Variants in BLTP1 observed in about 807,000 individuals in gnomAD.
BLTP1 encodes the protein bridge-like lipid transfer protein family member 1, also known as fragile site-associated protein.
chr4:122,193,327 C>G, the BLTP1 span, among the ~76,000 whole-genome samples: 1 of 151,910 alleles, frequency 6.6e-6, no homozygotes, highest in Non-Finnish European at 1.5e-5. Context: ...GAGAAGAAGG[C>G]TGTTTGGTTG....
At chr4:122,261,659 A>G in the BLTP1 span, 1 of 985,070 alleles carries the variant, frequency 1.0e-6, no homozygotes, top group Non-Finnish European at 1.2e-6. Context: ...TAAGAATTTG[A>G]AGGTAGAAGT....
chr4:122,308,279 G>C, the BLTP1 span: 3 of 1,094,432 alleles, frequency 2.7e-6, no homozygotes, highest in Non-Finnish European at 3.9e-6. Context: ...CTGTTTAGTA[G>C]GTAGCAAGTA....
chr4:122,333,443 C>T, the BLTP1 span: 1 of 170,814 alleles, frequency 5.9e-6, no homozygotes, highest in Non-Finnish European at 1.1e-5. Flanking sequence ...TGAGAAGTGT[C>T]TGTTCATGTC....
the BLTP1 span, among the ~76,000 whole-genome samples, chr4:122,206,664 G>A: frequency 2.6e-5 from 4 of 151,808 alleles, no homozygotes; most frequent in East Asian, 5.8e-4. Flanking sequence ...TCTCATTAAT[G>A]AGCTATTATG....
At chr4:122,315,377 TA>T in the BLTP1 span, 2 of 1,543,530 alleles carry the variant, frequency 1.3e-6, no homozygotes, top group Non-Finnish European at 1.8e-6. Context: ...CATTAGTTAT[TA>T]TATGTGGCCA....
chr4:122,174,111 G>A, the BLTP1 span: 1 of 699,876 alleles, frequency 1.4e-6, no homozygotes, highest in African/African-American at 1.9e-5. Context: ...AAGGGATGGG[G>A]AGAGATGACT....
At chr4:122,331,237 A>G in the BLTP1 span, 1 of 1,459,238 alleles carries the variant, frequency 6.9e-7, no homozygotes, top group Non-Finnish European at 9.0e-7. Context: ...TTATTTACAG[A>G]CTGTTGCTCA....
At chr4:122,192,239 G>A in the BLTP1 span, 1,629 of 1,612,030 alleles carry the variant, frequency 1.0e-3, 20 homozygotes, top group African/African-American at 0.018. Flanking sequence ...GACTTGTTCC[G>A]GAAGAAACAG....
the BLTP1 span, chr4:122,271,829 T>C: frequency 2.5e-6 from 2 of 798,594 alleles, no homozygotes; most frequent in Non-Finnish European, 3.8e-6. Flanking sequence ...AAGTGGATAA[T>C]TGAAATGGAG....
the BLTP1 span, among the ~76,000 whole-genome samples, chr4:122,288,317 C>T: frequency 6.6e-6 from 1 of 152,086 alleles, no homozygotes; most frequent in Non-Finnish European, 1.5e-5. Context: ...GGTTTTTATT[C>T]ATAGCTGCAT....
the BLTP1 span, chr4:122,207,529 T>TTTTTTTTTTTG: frequency 1.3e-6 from 2 of 1,551,864 alleles, no homozygotes; most frequent in South Asian, 1.2e-5. Context: ...TTTTTTTTTT[T>TTTTTTTTTTTG]TTCTTTTGTA....
the BLTP1 span, chr4:122,307,555 A>G: frequency 7.8e-5 from 77 of 985,036 alleles, no homozygotes; most frequent in Middle Eastern, 1.6e-3. Flanking sequence ...TTTTAATGGT[A>G]TGTTCCTAGC....
chr4:122,245,627 A>G, the BLTP1 span, among the ~76,000 whole-genome samples: 1 of 152,174 alleles, frequency 6.6e-6, no homozygotes, highest in Non-Finnish European at 1.5e-5. Flanking sequence ...GTTGCTTAGC[A>G]GTCATATCCC....
the BLTP1 span, chr4:122,200,892 A>T: frequency 7.1e-7 from 1 of 1,407,356 alleles, no homozygotes; most frequent in Non-Finnish European, 9.5e-7. Flanking sequence ...CCTTCTGTTC[A>T]GCTCAGTAGG....
the BLTP1 span, chr4:122,185,518 T>C: frequency 1.3e-6 from 1 of 751,732 alleles, no homozygotes; most frequent in African/African-American, 1.9e-5. Context: ...AATGTAATTA[T>C]GTCTTTTATT....
the BLTP1 span, chr4:122,205,995 A>C: frequency 3.0e-6 from 3 of 984,764 alleles, no homozygotes; most frequent in African/African-American, 5.2e-5. Flanking sequence ...ATGGTAGATC[A>C]GTGCTAATGT....
chr4:122,346,912 A>G, the BLTP1 span: 2 of 1,360,184 alleles, frequency 1.5e-6, no homozygotes, highest in Middle Eastern at 5.5e-4. Flanking sequence ...TGCCAACCAC[A>G]AGGGATATAT....
chr4:122,167,371 G>A, the BLTP1 span, among the ~76,000 whole-genome samples: 3 of 151,846 alleles, frequency 2.0e-5, no homozygotes, highest in Non-Finnish European at 4.4e-5. Context: ...TATTTCTGCC[G>A]CAACATACTT....
chr4:122,204,381 TA>T, the BLTP1 span: 1 of 896,884 alleles, frequency 1.1e-6, no homozygotes, highest in African/African-American at 1.8e-5. Context: ...TTTTGCCATT[TA>T]CAAAGCATGT....
Sources: gnomAD v4.1 joint callset for allele counts (sites outside exome capture counted in the v4.1 genomes callset) on GRCh38, gnomAD v4.1.1 for gene constraint, MANE v1.5 for transcripts, NCBI Gene and HGNC (gene_info 2026-07-23, HGNC 2026-07-21) for gene names.